The following TANC1 variants were observed in gnomAD, a reference collection of about 807,000 sequenced individuals.
The protein encoded by TANC1 is protein TANC1.
Under a neutral mutation model 149.7 loss-of-function variants are expected in TANC1, and 77 were observed. The ratio of observed to expected loss-of-function variants is 0.51; its 90% CI spans 0.43 to 0.62. TANC1 has a LOEUF of 0.62. Among genes scored for constraint, TANC1 ranks in the 20% least tolerant of loss-of-function variants. The probability of loss-of-function intolerance (pLI) is 0.00; values close to 1 mark genes in which losing one functional copy is unlikely to be tolerated. For missense variants in TANC1, 1,985 were observed against 2,321.8 expected, an observed-to-expected ratio of 0.85 and a Z score of 2.98; for synonymous variants, 854 against 925.0, an observed-to-expected ratio of 0.92 and a Z score of 1.39.
At chr2:159,136,000 TTTTGTGTGTG>T (rs1458618811) in intron 4 of TANC1, among the ~76,000 whole-genome samples, 184 bp from the exon 5 acceptor site, 7 of 94,748 alleles carry the variant, frequency 7.4e-5, no homozygotes, top group African/African-American at 2.1e-4. Context: ...TGTACTGAAA[TTTTGTGTGTG>T]TGTGTGTGTG....
At chr2:159,175,276 G>A (rs1313980722) in intron 12 of TANC1, 92 bp downstream of exon 12, 15 of 1,002,136 alleles carry the variant, frequency 1.5e-5, no homozygotes, top group Non-Finnish European at 2.1e-5. Context: ...CCGGGCTGGG[G>A]TAGAAGTGAG....
At chr2:159,008,755 T>A (rs1408059836) in intron 2 of TANC1, among the ~76,000 whole-genome samples, 1 of 152,176 alleles carries the variant, frequency 6.6e-6, no homozygotes, top group East Asian at 1.9e-4. Context: ...TTAGTATGTC[T>A]TAGTACAAAA....
intron 3 of TANC1, among the ~76,000 whole-genome samples, chr2:159,073,024 A>G (rs1355920570): frequency 2.0e-5 from 3 of 152,208 alleles, no homozygotes; most frequent in Admixed American, 6.5e-5. Context: ...TTTAACCTCT[A>G]TGAAGTACTT....
In TANC1 at chr2:159,164,899, C is replaced by T. The variant is rs1467835130; in HGVS notation, c.946+1353C>T. On this transcript the variant is annotated intron_variant, in intron 8 of 26. Coordinates refer to ENST00000263635, the MANE Select transcript of TANC1 (RefSeq NM_033394.3). ...TTGGCATGTCTGCTGGAGAGAAATA[C>T]TAGAGAACATTATACGAGTTGACTG... is the stretch of plus-strand genomic sequence containing the variant. Among the ~76,000 whole-genome samples the T allele has an allele frequency of 3.3e-5, 5 of 152,298 alleles. No individual in the cohort carries two copies. The East Asian group carries it at 7.7e-4, about 24-fold the overall frequency.
chr2:159,183,702 T>G (rs1252471143), intron 14 of TANC1, among the ~76,000 whole-genome samples: 1 of 152,030 alleles, frequency 6.6e-6, no homozygotes, highest in Non-Finnish European at 1.5e-5. Flanking sequence ...TTGTTTGTTT[T>G]TTAATAACAC....
intron 2 of TANC1, among the ~76,000 whole-genome samples, chr2:159,011,121 AGAGT>A (rs2037711990): frequency 6.6e-6 from 1 of 152,198 alleles, no homozygotes; most frequent in Admixed American, 6.5e-5. Flanking sequence ...TTTACAGATG[AGAGT>A]GAGTAACAGG....
intron 1 of TANC1, among the ~76,000 whole-genome samples, chr2:158,983,833 T>G (rs2034706052): frequency 2.6e-5 from 4 of 152,224 alleles, no homozygotes; most frequent in Admixed American, 2.6e-4. Flanking sequence ...CTTATTGCCT[T>G]TGTGCCTATT....
chr2:159,197,658 A>T (rs941709072), intron 18 of TANC1, among the ~76,000 whole-genome samples: 1 of 152,058 alleles, frequency 6.6e-6, no homozygotes, highest in Non-Finnish European at 1.5e-5. Flanking sequence ...CACATATGAA[A>T]ATGTAGATGT....
chr2:159,157,718 T>C (rs1468872801), intron 7 of TANC1, among the ~76,000 whole-genome samples: 1 of 152,224 alleles, frequency 6.6e-6, no homozygotes, highest in Non-Finnish European at 1.5e-5. Flanking sequence ...GTTCCTTTCT[T>C]GTTTGATCCT....
At chr2:159,041,128 T>C (rs1274327815) in intron 2 of TANC1, among the ~76,000 whole-genome samples, 3 of 152,176 alleles carry the variant, frequency 2.0e-5, no homozygotes, top group African/African-American at 4.8e-5. Context: ...ACAGCAAATA[T>C]TGCTGCCTGA....
intron 20 of TANC1, 95 bp from the exon 21 acceptor site, chr2:159,219,143 T>G: frequency 6.7e-7 from 1 of 1,497,810 alleles, no homozygotes; most frequent in Non-Finnish European, 9.3e-7. Context: ...AAGAAAGTCA[T>G]TTGACTATTT....
At chr2:159,193,416 A>G (rs545076016) in intron 16 of TANC1, among the ~76,000 whole-genome samples, 3 of 152,356 alleles carry the variant, frequency 2.0e-5, no homozygotes, top group Non-Finnish European at 2.9e-5. Context: ...TAATGCTGCA[A>G]TTAACATGAG....
At chr2:159,128,972 C>T (rs1193073616) in intron 4 of TANC1, among the ~76,000 whole-genome samples, 2 of 152,064 alleles carry the variant, frequency 1.3e-5, no homozygotes, top group African/African-American at 2.4e-5. Flanking sequence ...CTTTATTTTC[C>T]TCATCTTGTG....
At chr2:159,160,584 C>T (rs1486864537) in intron 7 of TANC1, among the ~76,000 whole-genome samples, 7 of 152,184 alleles carry the variant, frequency 4.6e-5, no homozygotes, top group Non-Finnish European at 1.0e-4. Context: ...TTCATCTGCT[C>T]AGCTGGATCT....
At chr2:159,027,635 T>C (rs952326365) in intron 2 of TANC1, among the ~76,000 whole-genome samples, 1 of 152,188 alleles carries the variant, frequency 6.6e-6, no homozygotes, top group Admixed American at 6.6e-5. Context: ...TCTAGCTTGC[T>C]CCCTCAAACC....
At chr2:159,070,520 A>C (rs972733633) in intron 3 of TANC1, among the ~76,000 whole-genome samples, 5 of 152,374 alleles carry the variant, frequency 3.3e-5, no homozygotes, top group Admixed American at 2.6e-4. Context: ...GTTGTATCAC[A>C]GAGTAGTTTC....
chr2:159,024,750 CAA>C (rs199510154), intron 2 of TANC1, among the ~76,000 whole-genome samples: 2 of 118,948 alleles, frequency 1.7e-5, no homozygotes. Flanking sequence ...GACTTCATCT[CAA>C]AAAAAAAAAA....
At chr2:159,200,508 A>G (rs1462237480) in intron 19 of TANC1, among the ~76,000 whole-genome samples, 1 of 152,230 alleles carries the variant, frequency 6.6e-6, no homozygotes, top group African/African-American at 2.4e-5. Flanking sequence ...TTTAATATTC[A>G]AGATGACTTT....
At chr2:159,035,474 A>AT (rs2040113404) in intron 2 of TANC1, among the ~76,000 whole-genome samples, 1 of 152,186 alleles carries the variant, frequency 6.6e-6, no homozygotes, top group Non-Finnish European at 1.5e-5. Context: ...AAAGTTCATA[A>AT]TTTTTTTGCT....
Sources: gnomAD v4.1 joint callset for allele counts (sites outside exome capture counted in the v4.1 genomes callset) on GRCh38, gnomAD v4.1.1 for gene constraint, MANE v1.5 for transcripts, NCBI Gene and HGNC (gene_info 2026-07-23, HGNC 2026-07-21) for gene names.